The following SLC30A5 variants were observed in gnomAD, a reference collection of about 807,000 sequenced individuals.
The protein encoded by SLC30A5 is solute carrier family 30 member 5.
SLC30A5 carries 33 observed loss-of-function variants against 79.6 expected under a neutral mutation model. That is an observed-to-expected ratio of 0.41 (90% confidence interval 0.31 to 0.55). The LOEUF is 0.55. Among genes scored for constraint, SLC30A5 ranks in the 20% least tolerant of loss-of-function variants. The pLI is 0.20. For missense variants in SLC30A5, 788 were observed against 928.1 expected, an observed-to-expected ratio of 0.85 and a Z score of 1.96; for synonymous variants, 299 against 319.7, an observed-to-expected ratio of 0.94 and a Z score of 0.69.
chr5:69,109,277 A>T (rs1293626176), intron 5 of SLC30A5, among the ~76,000 whole-genome samples: 1 of 152,144 alleles, frequency 6.6e-6, no homozygotes, highest in East Asian at 1.9e-4. Context: ...TATACATTGC[A>T]TGCCTATATC....
At chr5:69,101,418 A>T (rs1239031639) in intron 2 of SLC30A5, among the ~76,000 whole-genome samples, 1 of 151,760 alleles carries the variant, frequency 6.6e-6, no homozygotes, top group Non-Finnish European at 1.5e-5. Flanking sequence ...AGCTGGGACT[A>T]CAGGCGCTCA....
At chr5:69,113,949 G>C (rs2111971921) in intron 6 of SLC30A5, among the ~76,000 whole-genome samples, 1 of 152,196 alleles carries the variant, frequency 6.6e-6, no homozygotes, top group Admixed American at 6.5e-5. Context: ...ACCCTCTTTT[G>C]CTTGCCACTT....
Position 69,118,487 on chromosome 5 carries a change from C to G in SLC30A5, c.1440-12C>G. 1 of 1,585,986 alleles carries G rather than the reference C, an allele frequency of 6.3e-7. No individual in the cohort carries two copies. On this transcript the variant is annotated splice_polypyrimidine_tract_variant and intron_variant, in intron 11 of 15. Coordinates refer to ENST00000396591, the MANE Select transcript of SLC30A5 (RefSeq NM_022902.5). ...TCCTTTTCCTTTTCTGAAAAATGTT[C>G]TATGTTTTTAGGTACGGCCGAATAG... is the stretch of plus-strand genomic sequence containing the variant.
rs1300882892 is a variant in SLC30A5, at chr5:69,121,891, G to A, written c.1767G>A (p.Met589Ile). 2 of 1,612,538 alleles carry A rather than the reference G, an allele frequency of 1.2e-6. No homozygotes were observed. The highest frequency in any genetic ancestry group is 1.7e-6 in the Non-Finnish European group (2 of 1,179,284). ...GSAGGGMNAN[M>I]RGVFLHVLAD... ...CGGGTGGAGGCATGAATGCTAACAT[G>A]AGGGGTGAGTCCTTGCAAAATATTA... Residue 589 changes from methionine to isoleucine, a missense_variant, in exon 13 of 16, where the codon ATG (methionine) becomes ATA (isoleucine). Around this residue, in one of 3 missense-constraint regions of SLC30A5, gnomAD observed 626 missense variants for 755.5 expected, o/e 0.83. Transcript: ENST00000396591.
chr5:69,100,937 T>TTGG lies in SLC30A5; in HGVS notation c.206+8_206+9insTGG. On this transcript the variant is annotated intron_variant, in intron 2 of 15. Transcript: ENST00000396591. ...TTTTATATTAAAACTTGGGTGAGTG[T>TTGG]GGGGGGGGGTTTTTTCTTGATATTT... The TTGG allele has an allele frequency of 7.1e-7, 1 of 1,414,890 alleles. No individual in the cohort carries two copies. The allele number at this position is 1,414,890 out of a possible 1,614,324, so 87.6% of individuals were successfully genotyped here.
chr5:69,094,704 A>G (rs1745670416), intron 1 of SLC30A5, among the ~76,000 whole-genome samples: 1 of 152,070 alleles, frequency 6.6e-6, no homozygotes, highest in Non-Finnish European at 1.5e-5. Context: ...GTTTCCCTGC[A>G]TAAATTAGGG....
chr5:69,126,399 C>A (rs1454983987), intron 14 of SLC30A5, among the ~76,000 whole-genome samples: 1 of 152,208 alleles, frequency 6.6e-6, no homozygotes, highest in East Asian at 1.9e-4. Flanking sequence ...CTTTGGCCTT[C>A]CAAAGTGAGG....
intron 3 of SLC30A5, chr5:69,104,216 C>T: frequency 2.6e-6 from 2 of 768,580 alleles, no homozygotes; most frequent in South Asian, 2.3e-5. Context: ...TGTCTCACTG[C>T]AACCTCTGCC....
intron 1 of SLC30A5, among the ~76,000 whole-genome samples, chr5:69,097,512 G>A (rs1229053147): frequency 1.3e-5 from 2 of 152,036 alleles, no homozygotes; most frequent in South Asian, 4.1e-4. Flanking sequence ...CTGTTGCCCA[G>A]GATGGAGTGC....
Position 69,116,600 on chromosome 5 carries a change from C to G in SLC30A5, c.1279C>G (p.Leu427Val). ...GATCTTTTACTTCTTGTGCTTGAAT[C>G]TGGTAAGATTTTTAAATGTTAATTG... ...RQIFYFLCLN[L>V]LFTFVELFYG... is the part of the protein sequence containing the mutation. The change falls in exon 10 of 16, where the codon CTG (leucine) becomes GTG (valine). Residue 427 changes from leucine to valine, a missense_variant and splice_region_variant. Physicochemically the swap from Leu to Val is conservative, Grantham distance 32. Coordinates refer to ENST00000396591, the MANE Select transcript of SLC30A5 (RefSeq NM_022902.5). The surrounding 1 kb of genome is among the most constrained non-coding windows in gnomAD (Gnocchi z 4.0). 1 of 1,535,028 alleles carries G rather than the reference C, an allele frequency of 6.5e-7. No homozygotes were observed. Among genetic ancestry groups the G allele is most frequent in the Non-Finnish European group, 8.7e-7 (1 of 1,144,572 alleles).
chr5:69,097,907 A>G (rs1488801819), intron 1 of SLC30A5, among the ~76,000 whole-genome samples: 2 of 152,144 alleles, frequency 1.3e-5, no homozygotes, highest in African/African-American at 4.8e-5. Flanking sequence ...CAGGCTAAGT[A>G]ACCTATATTG....
At chr5:69,126,182 TGAAAA>T (rs945402479) in intron 14 of SLC30A5, among the ~76,000 whole-genome samples, 1 of 152,230 alleles carries the variant, frequency 6.6e-6, no homozygotes, top group Non-Finnish European at 1.5e-5. Flanking sequence ...GATCTGCTGA[TGAAAA>T]GATAGCATCT....
At chr5:69,099,467 G>A (rs181079126) in intron 1 of SLC30A5, among the ~76,000 whole-genome samples, 156 of 152,146 alleles carry the variant, frequency 1.0e-3, no homozygotes, top group Admixed American at 2.6e-3. Flanking sequence ...AAGTGACCTC[G>A]CCAGAGGCTA....
intron 5 of SLC30A5, 135 bp downstream of exon 5, chr5:69,108,571 C>A: frequency 1.4e-6 from 1 of 735,104 alleles, no homozygotes; most frequent in Non-Finnish European, 2.4e-6. Context: ...CCTGTAATCC[C>A]AACACTGTGG....
At position 69,116,126 on chromosome 5, in the gene SLC30A5, T is replaced by C; in HGVS notation, c.984T>C (p.Leu328=). The C allele has an allele frequency of 6.2e-7, 1 of 1,614,218 alleles. No individual in the cohort carries two copies. Among genetic ancestry groups the C allele is most frequent in the South Asian group, 1.1e-5 (1 of 91,084 alleles). Reference sequence around the variant, plus strand: ...GGACACATCCAATAACAGACCAGCTTCGGGCTATGAACAAAGCAGCACACC... The same window carrying C: ...GGACACATCCAATAACAGACCAGCTCCGGGCTATGAACAAAGCAGCACACC... ...NFWTHPITDQ[L]RAMNKAAHQE... is the part of the protein sequence containing the mutation. Residue 328 remains leucine (L), a synonymous_variant, in exon 9 of 16, where the codon CTT becomes CTC. Transcript: ENST00000396591. The surrounding 1 kb of genome is among the most constrained non-coding windows in gnomAD (Gnocchi z 4.0).
chr5:69,094,348 C>T lies in SLC30A5; in HGVS notation c.83+10C>T. On this transcript the variant is annotated intron_variant, in intron 1 of 15. Transcript: ENST00000396591. Reference sequence around the variant, plus strand: ...ACGTACCCAGCGCTCGGTAAGGGACCGATCCGGAAGGCAGCGACCGGCCGG... The same window carrying T: ...ACGTACCCAGCGCTCGGTAAGGGACTGATCCGGAAGGCAGCGACCGGCCGG... The T allele has an allele frequency of 8.0e-7, 1 of 1,246,766 alleles. No individual in the cohort carries two copies. Among genetic ancestry groups the T allele is most frequent in the Non-Finnish European group, 1.0e-6 (1 of 988,240 alleles). 77.2% of individuals were successfully genotyped at this position (1,246,766 alleles called of 1,614,324 possible). A position where few individuals can be genotyped will look rare whatever the true frequency, so the allele number is the denominator to read the frequency against.
At chr5:69,127,471 TACAAAAA>T (rs1561300626) in intron 14 of SLC30A5, among the ~76,000 whole-genome samples, 1 of 30,916 alleles carries the variant, frequency 3.2e-5, no homozygotes, top group African/African-American at 1.7e-4. Flanking sequence ...TGTACTAAAA[TACAAAAA>T]AAAAAAAAAA....
At position 69,123,384 on chromosome 5, in the gene SLC30A5, C is replaced by A; in HGVS notation, c.1957C>A (p.Pro653Thr). 1 of 1,613,790 alleles carries A rather than the reference C, an allele frequency of 6.2e-7. No individual in the cohort carries two copies. Among genetic ancestry groups the A allele is most frequent in the Non-Finnish European group, 8.5e-7 (1 of 1,179,858 alleles). Reference sequence around the variant, plus strand: ...CTGCCAGGTTCTACTCCTGAGATTGCCACCAGAATATGAAAAAGAACTACA... The same window carrying A: ...CTGCCAGGTTCTACTCCTGAGATTGACACCAGAATATGAAAAAGAACTACA... The part of the protein sequence containing the change: ...DACQVLLLRL[P>T]PEYEKELHIA... Residue 653 changes from proline to threonine, a missense_variant, in exon 14 of 16, where the codon CCA becomes ACA. Physicochemically the swap from Pro to Thr is conservative, Grantham distance 38. Coordinates refer to ENST00000396591, the MANE Select transcript of SLC30A5 (RefSeq NM_022902.5).
At chr5:69,118,983 TATAG>T (rs1746464064) in intron 12 of SLC30A5, among the ~76,000 whole-genome samples, 1 of 151,926 alleles carries the variant, frequency 6.6e-6, no homozygotes. Context: ...GTATATTTTG[TATAG>T]ATAGAGTTTC....
Sources: allele counts gnomAD v4.1 joint callset (sites outside exome capture counted in the v4.1 genomes callset), GRCh38; gene constraint gnomAD v4.1.1; regional missense constraint gnomAD v4.1.1; non-coding constraint Gnocchi (gnomAD v3.1); transcripts MANE v1.5; gene names NCBI Gene and HGNC (gene_info 2026-07-23, HGNC 2026-07-21).